Variants in IL2RA observed in about 807,000 individuals in gnomAD.
The protein encoded by IL2RA is interleukin 2 receptor subunit alpha, also known as interleukin-2 receptor subunit alpha.
IL2RA carries 24 observed loss-of-function variants against 37.8 expected under a neutral mutation model. The observed-to-expected ratio is 0.63, with a 90% CI of 0.46 to 0.89. IL2RA has a LOEUF of 0.89. Among genes scored for constraint, IL2RA ranks in the 40% least tolerant of loss-of-function variants. IL2RA has a pLI of 0.00. For missense variants in IL2RA, 319 were observed against 348.6 expected, an observed-to-expected ratio of 0.92 and a Z score of 0.68; for synonymous variants, 125 against 114.6, an observed-to-expected ratio of 1.09 and a Z score of -0.58.
At chr10:6,026,100 C>T (rs1839479716) in intron 1 of IL2RA, 75 bp from the exon 2 acceptor site, 1 of 1,419,770 alleles carries the variant, frequency 7.0e-7, no homozygotes, top group African/African-American at 1.4e-5. Context: ...CCTATAATGA[C>T]TTAATCACAT....
chr10:6,017,572 A>AT (rs71390109), intron 7 of IL2RA, among the ~76,000 whole-genome samples: 11,099 of 104,500 alleles, frequency 0.11, 1,262 homozygotes, highest in African/African-American at 0.21. Flanking sequence ...TGGTCGTTTA[A>AT]TTTTTTTTTT....
intron 1 of IL2RA, among the ~76,000 whole-genome samples, chr10:6,027,513 A>G (rs1341637734): frequency 6.6e-6 from 1 of 152,242 alleles, no homozygotes; most frequent in Non-Finnish European, 1.5e-5. Flanking sequence ...GGGAAGGAGA[A>G]AGATGGGTTT....
Position 6,025,847 on chromosome 10 carries a change from T to C in IL2RA, c.243A>G (p.Gln81=). The C allele has an allele frequency of 1.9e-6, 3 of 1,614,216 alleles. No individual in the cohort carries two copies. The highest frequency in any genetic ancestry group is 2.2e-5 in the South Asian group (2 of 91,082). Residue 81 remains glutamine, a synonymous_variant, in exon 2 of 8, where the codon CAA becomes CAG. Coordinates refer to ENST00000379959, the MANE Select transcript of IL2RA (RefSeq NM_000417.3). The surrounding 1 kb of genome is among the most constrained non-coding windows in gnomAD (Gnocchi z 4.4). ...SSHSSWDNQC[Q]CTSSATRNTT... Reference sequence around the variant, plus strand: ...AGGGACACTTACCAGAGCTTGTGCATTGACATTGGTTGTCCCAGGACGAGT... The same window carrying C: ...AGGGACACTTACCAGAGCTTGTGCACTGACATTGGTTGTCCCAGGACGAGT...
chr10:6,029,421 T>C lies in IL2RA; in HGVS notation c.65-3396A>G, dbSNP rs1839541573. ...CTCAGGTGATCCACCTGCCTCGGCC[T>C]CCCAAAGTGCTAGGATTACAGGAGT... is the stretch of plus-strand genomic sequence containing the variant. On this transcript the variant is annotated intron_variant, in intron 1 of 7. Transcript: ENST00000379959. The surrounding 1 kb of genome is among the most constrained non-coding windows in gnomAD (Gnocchi z 4.6). Among the ~76,000 whole-genome samples the C allele has an allele frequency of 6.6e-6, 1 of 152,104 alleles. No homozygotes were observed. Among genetic ancestry groups the C allele is most frequent in the Non-Finnish European group, 1.5e-5 (1 of 68,020 alleles).
In IL2RA at chr10:6,014,160, G is replaced by C. The variant is rs1182196793; in HGVS notation, c.795-1264C>G. Among the ~76,000 whole-genome samples the C allele has an allele frequency of 1.3e-5, 2 of 152,142 alleles. No homozygotes were observed. The highest frequency in any genetic ancestry group is 2.1e-4 in the South Asian group (1 of 4,832). On this transcript the variant is annotated intron_variant, in intron 7 of 7. Transcript: ENST00000379959. This position sits in a 1 kb window ranked among gnomAD's most constrained non-coding sequence, Gnocchi z 4.4. ...CCATAATGGCTATGCTTAAAAACCA[G>C]TTTGCAGAAGTCCCGAAAATTTAAC... is the stretch of plus-strand genomic sequence containing the variant.
intron 3 of IL2RA, among the ~76,000 whole-genome samples, chr10:6,023,986 C>A (rs1018463345): frequency 2.0e-5 from 3 of 152,222 alleles, no homozygotes; most frequent in Admixed American, 2.0e-4. Context: ...GGGTTGAATT[C>A]TATTTGGCCA....
At position 6,060,564 on chromosome 10, in the gene IL2RA, G is replaced by C. The variant is rs143593759; in HGVS notation, c.64+1524C>G. Among the ~76,000 whole-genome samples the C allele has an allele frequency of 5.6e-3, 851 of 152,278 alleles. 11 individuals are homozygous for C. The highest frequency in any genetic ancestry group is 0.019 in the African/African-American group (799 of 41,538). On this transcript the variant is annotated intron_variant, in intron 1 of 7. Coordinates refer to ENST00000379959, the MANE Select transcript of IL2RA (RefSeq NM_000417.3). ...AAGGTCAGGAGTTTGAGACCAGCCT[G>C]ACCAATATGGTGAAACCCCATCTCT...
chr10:6,013,080 G>A (rs767383741), intron 7 of IL2RA, among the ~76,000 whole-genome samples, 184 bp from the exon 8 acceptor site: 8 of 152,100 alleles, frequency 5.3e-5, no homozygotes, highest in Admixed American at 3.9e-4. Flanking sequence ...TGCCTGCCTC[G>A]GCCTTCCAAA....
Position 6,055,797 on chromosome 10 carries a change from C to T in IL2RA, c.64+6291G>A, listed in dbSNP as rs374995761. Among the ~76,000 whole-genome samples the T allele has an allele frequency of 2.7e-3, 44 of 16,338 alleles. 13 individuals are homozygous for T. Among genetic ancestry groups the T allele is most frequent in the Admixed American group, 8.6e-3 (10 of 1,162 alleles). 10.7% of individuals were successfully genotyped at this position (16,338 alleles called of 152,430 possible). A position where few individuals can be genotyped will look rare whatever the true frequency, so the allele number is the denominator to read the frequency against. ...AGGGGCGGCCGGGCAGAGGCGCCCCCCACCTCCCGGACGGGGCGGCTGGCC... is the reference window on the plus strand; with the variant it reads ...AGGGGCGGCCGGGCAGAGGCGCCCCTCACCTCCCGGACGGGGCGGCTGGCC... On this transcript the variant is annotated intron_variant, in intron 1 of 7. Transcript: ENST00000379959.
Position 6,041,657 on chromosome 10 carries a change from G to A in IL2RA, c.65-15632C>T, listed in dbSNP as rs533667984. Among the ~76,000 whole-genome samples, 6 of 152,284 alleles carry A rather than the reference G, an allele frequency of 3.9e-5. No individual in the cohort carries two copies. The South Asian group carries it at 1.0e-3, about 26-fold the overall frequency. ...TAAAAGACAGAGGTATTCTGATTGAGGGGGAAAAATTTCCCCCAAAGTCCT... is the reference window on the plus strand; with the variant it reads ...TAAAAGACAGAGGTATTCTGATTGAAGGGGAAAAATTTCCCCCAAAGTCCT... On this transcript the variant is annotated intron_variant, in intron 1 of 7. Transcript: ENST00000379959.
intron 1 of IL2RA, among the ~76,000 whole-genome samples, chr10:6,030,408 C>T (rs937957131): frequency 3.3e-5 from 5 of 152,098 alleles, no homozygotes; most frequent in Non-Finnish European, 7.3e-5. Context: ...AGGGAAAGGA[C>T]ACGTACCTAC....
rs1839208747 is a variant in IL2RA, at chr10:6,012,716, G to A, written c.*156C>T. 1.2e-5 allele frequency: 9 copies of A among 768,142 alleles called. No homozygotes were observed. The highest frequency in any genetic ancestry group is 6.8e-5 in the African/African-American group (4 of 58,434). 47.6% of individuals were successfully genotyped at this position (768,142 alleles called of 1,614,324 possible). On this transcript the variant is annotated 3_prime_UTR_variant, in exon 8 of 8. Transcript: ENST00000379959. The surrounding 1 kb of genome is among the most constrained non-coding windows in gnomAD (Gnocchi z 4.8). ...ATAGAGACAAGGTTGCCACTGCCCC[G>A]TGTCCTGTGATGTGACTTCAGAGCT...
intron 7 of IL2RA, among the ~76,000 whole-genome samples, chr10:6,017,425 G>T (rs1221950970): frequency 6.6e-6 from 1 of 152,080 alleles, no homozygotes; most frequent in Non-Finnish European, 1.5e-5. Flanking sequence ...TCTCCAAGCT[G>T]TTGCATCTCT....
chr10:6,035,494 G>T lies in IL2RA; in HGVS notation c.65-9469C>A, dbSNP rs1056749288. 6.6e-6 allele frequency among the ~76,000 whole-genome samples: 1 copy of T among 152,210 alleles called. No individual in the cohort carries two copies. Among genetic ancestry groups the T allele is most frequent in the African/African-American group, 2.4e-5 (1 of 41,444 alleles). Reference sequence around the variant, plus strand: ...TCTGTCTCTCCCTTTGTTCCTGAGTGGTGGGCCGCACATGAGGCTCTGAGC... The same window carrying T: ...TCTGTCTCTCCCTTTGTTCCTGAGTTGTGGGCCGCACATGAGGCTCTGAGC... On this transcript the variant is annotated intron_variant, in intron 1 of 7. Coordinates refer to ENST00000379959, the MANE Select transcript of IL2RA (RefSeq NM_000417.3). The surrounding 1 kb of genome is among the most constrained non-coding windows in gnomAD (Gnocchi z 5.4).
rs768262681 is a variant in IL2RA, at chr10:6,033,451, T to C, written c.65-7426A>G. On this transcript the variant is annotated intron_variant, in intron 1 of 7. Transcript: ENST00000379959. This position sits in a 1 kb window ranked among gnomAD's most constrained non-coding sequence, Gnocchi z 4.3. ...GGATGTGTCTACAGAAAGACTTTTA[T>C]AAAATATTTATAGTAACTTCTTTCT... Among the ~76,000 whole-genome samples the C allele has an allele frequency of 2.0e-5, 3 of 152,246 alleles. No homozygotes were observed. The highest frequency in any genetic ancestry group is 2.9e-5 in the Non-Finnish European group (2 of 68,034).
rs764498222 is a variant in IL2RA, at chr10:6,022,820, GACA to G, written c.368-1130_368-1128del. 2.9e-4 allele frequency among the ~76,000 whole-genome samples: 25 copies of G among 86,908 alleles called. No homozygotes were observed. Among genetic ancestry groups the G allele is most frequent in the Non-Finnish European group, 7.6e-4 (24 of 31,482 alleles). 57.0% of individuals were successfully genotyped at this position (86,908 alleles called of 152,430 possible). On this transcript the variant is annotated intron_variant, in intron 3 of 7. Transcript: ENST00000379959. This position sits in a 1 kb window ranked among gnomAD's most constrained non-coding sequence, Gnocchi z 4.7. Reference sequence around the variant, plus strand: ...CAGGCAGAGCCAGCCTTCGAGAAAGGACAACAAGCATTGGCCTCTTTGAAGCCT... The same window carrying G: ...CAGGCAGAGCCAGCCTTCGAGAAAGGACAAGCATTGGCCTCTTTGAAGCCT...
intron 1 of IL2RA, among the ~76,000 whole-genome samples, chr10:6,060,039 A>C (rs959264277): frequency 6.6e-6 from 1 of 152,080 alleles, no homozygotes. Context: ...TCCCTCCAAG[A>C]CCACTCAGAC....
intron 1 of IL2RA, among the ~76,000 whole-genome samples, chr10:6,027,498 A>G (rs1839504154): frequency 6.6e-6 from 1 of 152,236 alleles, no homozygotes; most frequent in Admixed American, 6.5e-5. Context: ...GAGCAGCAGC[A>G]TGGTGGGAAG....
intron 1 of IL2RA, among the ~76,000 whole-genome samples, chr10:6,031,451 TATAC>T (rs199654077): frequency 0.022 from 1,437 of 66,760 alleles, 72 homozygotes; most frequent in East Asian, 0.16. Context: ...AGTATATATA[TATAC>T]ATATATATAT....
Sources: allele counts gnomAD v4.1 joint callset (sites outside exome capture counted in the v4.1 genomes callset), GRCh38; gene constraint gnomAD v4.1.1; non-coding constraint Gnocchi (gnomAD v3.1); transcripts MANE v1.5; gene names NCBI Gene and HGNC (gene_info 2026-07-23, HGNC 2026-07-21).